Variants in PCDH11X observed in about 807,000 individuals in gnomAD.
PCDH11X encodes protocadherin 11 X-linked.
In PCDH11X, 18 loss-of-function variants were observed where a neutral mutation model predicts 53.3. The ratio of observed to expected loss-of-function variants is 0.34; its 90% CI spans 0.23 to 0.50. The LOEUF is 0.50. PCDH11X is among the 20% of genes least tolerant of loss of function. The pLI, the probability that PCDH11X is intolerant of heterozygous loss-of-function variation, is 0.98. For synonymous variants in PCDH11X, 279 were observed against 393.3 expected (o/e 0.71, Z 3.44); for missense variants, 570 against 1,032.4 (o/e 0.55, Z 6.14).
At chrX:92,005,658 A>G (rs1297661045) in intron 6 of PCDH11X, among the ~76,000 whole-genome samples, 4 of 111,196 alleles carry the variant, frequency 3.6e-5, no homozygotes, top group African/African-American at 9.8e-5. Context: ...TAGTTTTATA[A>G]TATTCTGTAT....
intron 6 of PCDH11X, among the ~76,000 whole-genome samples, chrX:92,072,956 G>A (rs1411113030): frequency 2.7e-5 from 3 of 111,250 alleles, no homozygotes; most frequent in East Asian, 2.8e-4. Context: ...AGGCTTGATG[G>A]GAAACCCAAG....
At position 92,112,331 on chromosome X, in the gene PCDH11X, TAAAA is replaced by T. The variant is rs72029186; in HGVS notation, c.3034-89029_3034-89026del. On this transcript the variant is annotated intron_variant, in intron 6 of 10. Coordinates refer to ENST00000682573, the MANE Select transcript of PCDH11X (RefSeq NM_032968.5). ...TATCTGGGATAGGGTGATGTTCTGG[TAAAA>T]AAAAAAAAAAAAAAGTATAGTCATC... Among the ~76,000 whole-genome samples, 255 of 89,042 alleles carry T rather than the reference TAAAA, an allele frequency of 2.9e-3. 2 individuals carry two copies. Among genetic ancestry groups the T allele is most frequent in the African/African-American group, 8.6e-3 (219 of 25,600 alleles). 77.3% of individuals were successfully genotyped at this position (89,042 alleles called of 115,157 possible).
At chrX:92,613,538 G>T (rs868378855) in intron 10 of PCDH11X, among the ~76,000 whole-genome samples, 26 of 77,320 alleles carry the variant, frequency 3.4e-4, no homozygotes, top group African/African-American at 1.1e-3. Context: ...TTTTGTTGTT[G>T]TTGTTGTTGT....
chrX:91,892,221 T>C (rs1940522071), intron 6 of PCDH11X, among the ~76,000 whole-genome samples: 1 of 107,365 alleles, frequency 9.3e-6, no homozygotes, highest in African/African-American at 3.4e-5. Flanking sequence ...AAAATACCCC[T>C]GACATTTGTC....
In PCDH11X at chrX:91,792,035, G is replaced by C. The variant is rs376431293; in HGVS notation, c.-379+12351G>C. Reference sequence around the variant, plus strand: ...CGCCACCGCGCCTGGCTAACTTTTTGTATTTTTAGTAGAGAGGGGGTTTCA... The same window carrying C: ...CGCCACCGCGCCTGGCTAACTTTTTCTATTTTTAGTAGAGAGGGGGTTTCA... On this transcript the variant is annotated intron_variant, in intron 1 of 10. Coordinates refer to ENST00000682573, the MANE Select transcript of PCDH11X (RefSeq NM_032968.5). Among the ~76,000 whole-genome samples the C allele has an allele frequency of 1.2e-3, 125 of 108,208 alleles. 1 individual carries two copies. The South Asian group carries it at 0.05, about 44-fold the overall frequency. The allele number at this position is 108,208 out of a possible 115,157, so 94.0% of individuals were successfully genotyped here.
In PCDH11X at chrX:92,442,099, A is replaced by G. The variant is rs568462139; in HGVS notation, c.3344-26200A>G. Among the ~76,000 whole-genome samples the G allele has an allele frequency of 3.6e-5, 4 of 111,301 alleles. No homozygotes were observed. In the South Asian group the frequency reaches 1.5e-3, roughly 42 times the overall value. On this transcript the variant is annotated intron_variant, in intron 9 of 10. Coordinates refer to ENST00000682573, the MANE Select transcript of PCDH11X (RefSeq NM_032968.5). ...CTCTTTGTTTTGGCCAATGTCTCCC[A>G]TTTGGAATGGCTGTATTTACTGAAT...
At chrX:92,114,316 G>T in intron 6 of PCDH11X, 1 of 934,748 alleles carries the variant, frequency 1.1e-6, no homozygotes, top group Non-Finnish European at 1.5e-6. Context: ...AAAACCATAG[G>T]CATAGATGTC....
chrX:91,881,927 C>A (rs769735509), intron 6 of PCDH11X, among the ~76,000 whole-genome samples: 1 of 111,369 alleles, frequency 9.0e-6, no homozygotes, highest in South Asian at 3.7e-4. Context: ...ACATTTAGTT[C>A]ATTACTCGTC....
intron 9 of PCDH11X, among the ~76,000 whole-genome samples, chrX:92,415,949 T>G (rs2071800525): frequency 8.9e-6 from 1 of 112,032 alleles, no homozygotes; most frequent in Admixed American, 9.5e-5. Flanking sequence ...TTCATAGTTA[T>G]TTTTCACTTT....
At chrX:91,784,624 A>C (rs937274674) in intron 1 of PCDH11X, among the ~76,000 whole-genome samples, 99 of 111,350 alleles carry the variant, frequency 8.9e-4, no homozygotes, top group Non-Finnish European at 1.5e-3. Flanking sequence ...CATTTTACCC[A>C]CTTCAGCCTT....
intron 7 of PCDH11X, among the ~76,000 whole-genome samples, chrX:92,256,019 G>A (rs764305240): frequency 1.6e-3 from 177 of 112,268 alleles, no homozygotes; most frequent in African/African-American, 5.2e-3. Flanking sequence ...AATGGCGGGC[G>A]CCCCTCCCCC....
In PCDH11X at chrX:91,841,030, T is replaced by C. The variant is rs763384485; in HGVS notation, c.540+4986T>C. Among the ~76,000 whole-genome samples, 327 of 110,690 alleles carry C rather than the reference T, an allele frequency of 3.0e-3. 3 individuals carry two copies. Among genetic ancestry groups the C allele is most frequent in the African/African-American group, 9.9e-3 (303 of 30,623 alleles). On this transcript the variant is annotated intron_variant, in intron 5 of 10. Coordinates refer to ENST00000682573, the MANE Select transcript of PCDH11X (RefSeq NM_032968.5). The stretch of plus-strand genomic sequence containing the variant: ...ATAATTTGCATATTAATATTTTTGA[T>C]CTAATGTTAAAAAGCAAAAGAGATG...
intron 6 of PCDH11X, among the ~76,000 whole-genome samples, chrX:91,907,028 C>T (rs1941182091): frequency 9.9e-6 from 1 of 100,648 alleles, no homozygotes; most frequent in African/African-American, 3.6e-5. Flanking sequence ...TGTGCTAATG[C>T]ACACACTGTG....
At chrX:92,509,899 T>C (rs2074133702) in intron 10 of PCDH11X, among the ~76,000 whole-genome samples, 1 of 111,530 alleles carries the variant, frequency 9.0e-6, no homozygotes, top group African/African-American at 3.2e-5. Flanking sequence ...AGTCATATGC[T>C]CACTGGAGCC....
chrX:92,113,288 T>A (rs1254270426), intron 6 of PCDH11X: 23 of 1,199,633 alleles, frequency 1.9e-5, no homozygotes, highest in Non-Finnish European at 2.6e-5. Context: ...ATGGAGGTGT[T>A]GTAGAAGGTC....
chrX:91,887,632 C>T (rs1180349726), intron 6 of PCDH11X, among the ~76,000 whole-genome samples: 2 of 111,846 alleles, frequency 1.8e-5, no homozygotes, highest in African/African-American at 6.5e-5. Context: ...TTATTTCAAG[C>T]TAGAGCAGTG....
chrX:92,263,216 G>C (rs1190394694), intron 8 of PCDH11X, 73 bp downstream of exon 8: 28 of 889,107 alleles, frequency 3.1e-5, no homozygotes, highest in Non-Finnish European at 4.1e-5. Flanking sequence ...ACAGTAGTTA[G>C]TCCATGGAGT....
chrX:92,113,225 G>C, intron 6 of PCDH11X: 4 of 1,172,363 alleles, frequency 3.4e-6, no homozygotes, highest in Non-Finnish European at 4.5e-6. Flanking sequence ...GCTGGGGCTG[G>C]GTGGCAGGAC....
In PCDH11X at chrX:92,620,615, T is replaced by C. The variant is rs371008812; in HGVS notation, c.*1675T>C. 2 of 111,351 alleles carry C rather than the reference T, an allele frequency of 1.8e-5. No homozygotes were observed. Among genetic ancestry groups the C allele is most frequent in the African/African-American group, 3.3e-5 (1 of 30,522 alleles). 9.2% of individuals were successfully genotyped at this position (111,351 alleles called of 1,213,427 possible). On this transcript the variant is annotated 3_prime_UTR_variant, in exon 11 of 11. Transcript: ENST00000682573. ...AAACTGTGGTAATTGCATAATTTCA[T>C]TGGTGAGGATTTCCACTGAATATTG...
Sources: allele counts gnomAD v4.1 joint callset (sites outside exome capture counted in the v4.1 genomes callset), GRCh38; gene constraint gnomAD v4.1.1; transcripts MANE v1.5; gene names NCBI Gene and HGNC (gene_info 2026-07-23, HGNC 2026-07-21).